Variants in DGKI observed in about 807,000 individuals in gnomAD.
DGKI encodes diacylglycerol kinase iota.
Under a neutral mutation model 147.5 loss-of-function variants are expected in DGKI, and 55 were observed. That is an observed-to-expected ratio of 0.37 (90% CI 0.30 to 0.47). DGKI has a LOEUF of 0.47. Among genes scored for constraint, DGKI ranks in the 20% least tolerant of loss-of-function variants. DGKI has a pLI of 1.00. For synonymous variants in DGKI, 469 were observed against 477.1 expected, an observed-to-expected ratio of 0.98 and a Z score of 0.22; for missense variants, 1,007 against 1,323.8, an observed-to-expected ratio of 0.76 and a Z score of 3.71.
chr7:137,626,422 C>A (rs1585301613), intron 6 of DGKI, among the ~76,000 whole-genome samples: 1 of 151,850 alleles, frequency 6.6e-6, no homozygotes, highest in African/African-American at 2.4e-5. Context: ...CCAGCAACAA[C>A]CCCCACAGTC....
At chr7:137,428,708 A>G (rs1563013583) in intron 28 of DGKI, among the ~76,000 whole-genome samples, 2 of 152,166 alleles carry the variant, frequency 1.3e-5, no homozygotes, top group African/African-American at 2.4e-5. Context: ...GCAAAGTCTC[A>G]GGATACAAAA....
chr7:137,578,395 A>C, intron 15 of DGKI, 70 bp from the exon 16 acceptor site: 1 of 1,085,248 alleles, frequency 9.2e-7, no homozygotes, highest in Non-Finnish European at 1.4e-6. Context: ...TAGCACTCCT[A>C]CTTCCTCCCC....
chr7:137,842,877 C>G (rs962160418), intron 1 of DGKI, among the ~76,000 whole-genome samples: 1 of 152,024 alleles, frequency 6.6e-6, no homozygotes, highest in Non-Finnish European at 1.5e-5. Flanking sequence ...AATGACCTGC[C>G]GTGTATTACA....
intron 21 of DGKI, among the ~76,000 whole-genome samples, chr7:137,520,004 C>T (rs551907048): frequency 2.2e-4 from 34 of 152,152 alleles, no homozygotes; most frequent in Admixed American, 1.9e-3. Context: ...CCATATTTGA[C>T]TTAAGAAGTT....
chr7:137,513,888 G>C, intron 21 of DGKI: 2 of 701,184 alleles, frequency 2.9e-6, no homozygotes, highest in Non-Finnish European at 2.6e-6. Context: ...AGAAGCGAAT[G>C]CGCAGGCTGA....
intron 21 of DGKI, among the ~76,000 whole-genome samples, chr7:137,490,233 A>T (rs1297038975): frequency 6.6e-6 from 1 of 152,230 alleles, no homozygotes. Context: ...TGCTGGGTTT[A>T]AATCCCAGTA....
intron 21 of DGKI, among the ~76,000 whole-genome samples, chr7:137,505,939 TA>T (rs144145164): frequency 6.6e-6 from 1 of 151,544 alleles, no homozygotes; most frequent in African/African-American, 2.4e-5. Context: ...TGGCTAAAAT[TA>T]AAAAAAACCA....
At chr7:137,841,423 G>A (rs999466393) in intron 1 of DGKI, among the ~76,000 whole-genome samples, 1 of 152,126 alleles carries the variant, frequency 6.6e-6, no homozygotes, top group Non-Finnish European at 1.5e-5. Flanking sequence ...AAGTTTTATG[G>A]CTTAGATTTC....
chr7:137,444,404 T>C (rs1232164859), intron 27 of DGKI, among the ~76,000 whole-genome samples: 2 of 152,178 alleles, frequency 1.3e-5, no homozygotes, highest in Admixed American at 6.5e-5. Flanking sequence ...AAATGTAGTA[T>C]AGATGAAATC....
intron 1 of DGKI, among the ~76,000 whole-genome samples, chr7:137,731,643 C>A (rs1794889058): frequency 6.6e-6 from 1 of 152,200 alleles, no homozygotes; most frequent in African/African-American, 2.4e-5. Flanking sequence ...TATCTTGACT[C>A]ACATTTCTCC....
At chr7:137,615,096 C>T (rs1020321914) in intron 8 of DGKI, among the ~76,000 whole-genome samples, 1 of 152,076 alleles carries the variant, frequency 6.6e-6, no homozygotes, top group Non-Finnish European at 1.5e-5. Flanking sequence ...TAGCACTGAC[C>T]ACTCTCCACC....
intron 4 of DGKI, among the ~76,000 whole-genome samples, chr7:137,655,206 T>A (rs1822175255): frequency 6.6e-6 from 1 of 151,704 alleles, no homozygotes; most frequent in African/African-American, 2.4e-5. Flanking sequence ...TTATTCTTTT[T>A]TTTTTTTTTT....
At chr7:137,560,457 G>T (rs1728497) in intron 19 of DGKI, among the ~76,000 whole-genome samples, 1 of 151,956 alleles carries the variant, frequency 6.6e-6, no homozygotes, top group Non-Finnish European at 1.5e-5. Flanking sequence ...GAGACCAGTG[G>T]ACCTAAAACA....
chr7:137,624,015 C>T lies in DGKI; in HGVS notation c.805-461G>A, dbSNP rs112740951. Among the ~76,000 whole-genome samples the T allele has an allele frequency of 1.0e-3, 156 of 152,088 alleles. 3 individuals are homozygous for T. The highest frequency in any genetic ancestry group is 3.5e-3 in the African/African-American group (147 of 41,512). Reference sequence around the variant, plus strand: ...ATCAGAGAGACAATAACTGGAACTCCGGGTCTGGGAGAAGTCCAACGGTGT... The same window carrying T: ...ATCAGAGAGACAATAACTGGAACTCTGGGTCTGGGAGAAGTCCAACGGTGT... On this transcript the variant is annotated intron_variant, in intron 6 of 32. Transcript: ENST00000614521.
intron 23 of DGKI, 127 bp from the exon 24 acceptor site, chr7:137,469,746 T>G: frequency 1.5e-6 from 1 of 670,004 alleles, no homozygotes; most frequent in Non-Finnish European, 2.3e-6. Context: ...TTTTTTTTTC[T>G]CTAGGAACAC....
intron 28 of DGKI, among the ~76,000 whole-genome samples, chr7:137,434,679 A>G (rs1250037654): frequency 1.3e-5 from 2 of 152,166 alleles, no homozygotes; most frequent in Non-Finnish European, 2.9e-5. Flanking sequence ...TCACCAACAA[A>G]GCATTCCAGA....
rs571543955 is a variant in DGKI, at chr7:137,646,744, A to G, written c.739-1207T>C. 3.3e-5 allele frequency among the ~76,000 whole-genome samples: 5 copies of G among 152,324 alleles called. No homozygotes were observed. The South Asian group carries it at 1.0e-3, about 32-fold the overall frequency. ...TAAAAACCACTTGAATATATATTCA[A>G]TTATTCAAAATTTTCCTACATGCAA... On this transcript the variant is annotated intron_variant, in intron 5 of 32. Coordinates refer to ENST00000614521, the MANE Select transcript of DGKI (RefSeq NM_001321708.2).
intron 20 of DGKI, among the ~76,000 whole-genome samples, chr7:137,547,759 A>G (rs1278394710): frequency 2.0e-5 from 3 of 152,206 alleles, no homozygotes; most frequent in African/African-American, 7.2e-5. Flanking sequence ...TATTTTTAGT[A>G]AGTGGTGTAA....
At chr7:137,391,359 A>T in intron 32 of DGKI, 23 bp from the exon 33 acceptor site, 1 of 1,472,494 alleles carries the variant, frequency 6.8e-7, no homozygotes, top group Non-Finnish European at 9.2e-7. Flanking sequence ...AGTGAGAAAA[A>T]AAAAAAGAGA....
Sources: allele counts gnomAD v4.1 joint callset (sites outside exome capture counted in the v4.1 genomes callset), GRCh38; gene constraint gnomAD v4.1.1; transcripts MANE v1.5; gene names NCBI Gene and HGNC (gene_info 2026-07-23, HGNC 2026-07-21).